KDM6A: variants seen among roughly 807,000 people sequenced by gnomAD.
KDM6A encodes lysine demethylase 6A, also known as lysine-specific demethylase 6A.
KDM6A carries 11 observed loss-of-function variants against 117.6 expected under a neutral mutation model. The observed-to-expected ratio is 0.09, with a 90% CI of 0.06 to 0.15. The LOEUF (loss-of-function observed/expected upper bound fraction) is 0.15. Ranked by LOEUF, KDM6A falls within the 10% of genes least tolerant of loss-of-function variation. KDM6A has a pLI of 1.00. For missense variants in KDM6A, 799 were observed against 1,077.3 expected, an observed-to-expected ratio of 0.74 and a Z score of 3.62; for synonymous variants, 384 against 396.1, an observed-to-expected ratio of 0.97 and a Z score of 0.36.
chrX:45,009,318 C>A (rs935390285), intron 4 of KDM6A, among the ~76,000 whole-genome samples: 1 of 111,995 alleles, frequency 8.9e-6, no homozygotes, highest in Non-Finnish European at 1.9e-5. Context: ...AGAGTTCTGA[C>A]GTTGTGATAG....
At chrX:45,071,179 C>T (rs1288415452) in intron 18 of KDM6A, among the ~76,000 whole-genome samples, 1 of 112,034 alleles carries the variant, frequency 8.9e-6, no homozygotes, top group Non-Finnish European at 1.9e-5. Context: ...ACAAATAATT[C>T]TGTAATATTT....
chrX:44,873,524 G>T lies in KDM6A; in HGVS notation c.-28G>T. The T allele has an allele frequency of 1.7e-6, 2 of 1,208,828 alleles. No individual in the cohort carries two copies. The highest frequency in any genetic ancestry group is 2.2e-6 in the Non-Finnish European group (2 of 894,701). ...CCCCGGTCCGAGGGGGGGTGTCGGCGTTGGAGTTGTGAATTCGCTGCGTTT... is the reference window on the plus strand; with the variant it reads ...CCCCGGTCCGAGGGGGGGTGTCGGCTTTGGAGTTGTGAATTCGCTGCGTTT... On this transcript the variant is annotated 5_prime_UTR_variant, in exon 1 of 30. Transcript: ENST00000611820.
chrX:44,967,075 T>C (rs747592282), intron 3 of KDM6A, among the ~76,000 whole-genome samples: 2 of 111,017 alleles, frequency 1.8e-5, no homozygotes, highest in African/African-American at 6.6e-5. Flanking sequence ...TTTCACTGTG[T>C]TAGCCAGGAT....
chrX:45,077,949 G>A (rs1452061839), intron 19 of KDM6A, among the ~76,000 whole-genome samples: 4 of 111,117 alleles, frequency 3.6e-5, no homozygotes, highest in Middle Eastern at 4.6e-3. Context: ...CCAGCCCCTG[G>A]CAACTACCAT....
chrX:44,897,816 G>A (rs1394298270), intron 2 of KDM6A, among the ~76,000 whole-genome samples: 2 of 111,159 alleles, frequency 1.8e-5, no homozygotes, highest in Non-Finnish European at 3.8e-5. Context: ...TAAGTAATCC[G>A]CTGCTTCAGC....
At chrX:44,923,025 CTT>C (rs917898981) in intron 2 of KDM6A, among the ~76,000 whole-genome samples, 4 of 111,272 alleles carry the variant, frequency 3.6e-5, no homozygotes, top group African/African-American at 1.3e-4. Context: ...TCTAGACTGA[CTT>C]TTTTCTCTCC....
chrX:45,047,674 C>CTTTTTTTTTTTTTTTTTTTTTTTTTTTT lies in KDM6A; in HGVS notation c.655-4033_655-4006dup, dbSNP rs78749806. Among the ~76,000 whole-genome samples the CTTTTTTTTTTTTTTTTTTTTTTTTTTTT allele has an allele frequency of 3.3e-4, 12 of 36,334 alleles. 4 individuals carry two copies. The highest frequency in any genetic ancestry group is 9.4e-4 in the Admixed American group (2 of 2,120). 31.6% of individuals were successfully genotyped at this position (36,334 alleles called of 115,157 possible). ...TCAAATATCTGCTTGCTTTTTTTTT[C>CTTTTTTTTTTTTTTTTTTTTTTTTTTTT]TTTTTTTTTTTTTTTTTTTTTTTTT... On this transcript the variant is annotated intron_variant, in intron 8 of 29. Transcript: ENST00000611820.
intron 19 of KDM6A, among the ~76,000 whole-genome samples, chrX:45,077,516 G>T (rs1258946510): frequency 9.1e-6 from 1 of 110,280 alleles, no homozygotes; most frequent in Non-Finnish European, 1.9e-5. Flanking sequence ...ACTAGAGTTT[G>T]TTTTATAGAT....
At chrX:44,933,417 G>A (rs189545239) in intron 2 of KDM6A, among the ~76,000 whole-genome samples, 3 of 103,059 alleles carry the variant, frequency 2.9e-5, no homozygotes, top group Admixed American at 2.1e-4. Flanking sequence ...GACTACAGGC[G>A]CCTGCCACCA....
intron 2 of KDM6A, among the ~76,000 whole-genome samples, chrX:44,935,476 A>C: frequency 9.0e-6 from 1 of 111,228 alleles, no homozygotes; most frequent in Non-Finnish European, 1.9e-5. Flanking sequence ...CGATGGGTAC[A>C]AGTTTTCAAA....
chrX:44,969,641 C>A (rs2039234800), intron 3 of KDM6A, among the ~76,000 whole-genome samples: 1 of 110,214 alleles, frequency 9.1e-6, no homozygotes, highest in African/African-American at 3.3e-5. Flanking sequence ...TGGTCTCGAT[C>A]TCCTGACCTT....
At chrX:44,979,292 T>C (rs1166537218) in intron 4 of KDM6A, among the ~76,000 whole-genome samples, 1 of 111,251 alleles carries the variant, frequency 9.0e-6, no homozygotes, top group African/African-American at 3.3e-5. Flanking sequence ...TTGTTTTCTT[T>C]CTTTCTTTCC....
intron 2 of KDM6A, among the ~76,000 whole-genome samples, chrX:44,882,679 G>A (rs1474811550): frequency 8.9e-6 from 1 of 112,192 alleles, no homozygotes; most frequent in Admixed American, 9.5e-5. Context: ...TTGTTTTCAA[G>A]ATACAGTAGT....
intron 2 of KDM6A, among the ~76,000 whole-genome samples, chrX:44,889,513 A>C (rs1300940281): frequency 8.9e-6 from 1 of 112,241 alleles, no homozygotes; most frequent in African/African-American, 3.2e-5. Context: ...AAATGGATAG[A>C]AAAAATTAAG....
intron 27 of KDM6A, among the ~76,000 whole-genome samples, chrX:45,097,502 C>T (rs138296216): frequency 2.1e-3 from 236 of 111,259 alleles, no homozygotes; most frequent in Non-Finnish European, 3.8e-3. Context: ...CTCTAATGAG[C>T]TAAGTGAATA....
intron 2 of KDM6A, among the ~76,000 whole-genome samples, chrX:44,884,708 C>T (rs900238433): frequency 3.6e-5 from 4 of 111,306 alleles, no homozygotes; most frequent in African/African-American, 1.3e-4. Flanking sequence ...GACTTAAGAG[C>T]TCTTGAAAAA....
intron 4 of KDM6A, among the ~76,000 whole-genome samples, chrX:44,993,699 C>T (rs2040731405): frequency 9.0e-6 from 1 of 111,428 alleles, no homozygotes; most frequent in Non-Finnish European, 1.9e-5. Context: ...AACCCCGTCT[C>T]TACTAAAAAT....
chrX:45,036,702 A>C (rs1290713037), intron 7 of KDM6A, among the ~76,000 whole-genome samples: 2 of 112,786 alleles, frequency 1.8e-5, no homozygotes, highest in African/African-American at 6.4e-5. Context: ...GTTTACGAGA[A>C]TAAGAAAACA....
chrX:44,979,855 A>G (rs1004821857), intron 4 of KDM6A, among the ~76,000 whole-genome samples: 2 of 110,593 alleles, frequency 1.8e-5, no homozygotes, highest in Non-Finnish European at 3.8e-5. Flanking sequence ...TCAACGTACA[A>G]TTTAGTTTTC....
Sources: gnomAD v4.1 joint callset for allele counts (sites outside exome capture counted in the v4.1 genomes callset) on GRCh38, gnomAD v4.1.1 for gene constraint, MANE v1.5 for transcripts, NCBI Gene and HGNC (gene_info 2026-07-23, HGNC 2026-07-21) for gene names.